SLC25A13: variants seen among roughly 807,000 people sequenced by gnomAD.
The protein encoded by SLC25A13 is solute carrier family 25 member 13.
SLC25A13 carries 70 observed loss-of-function variants against 85.5 expected under a neutral mutation model. That is an observed-to-expected ratio of 0.82 (90% CI 0.68 to 1.00). The LOEUF is 1.00. Ranked by LOEUF, SLC25A13 falls within the 50% of genes least tolerant of loss-of-function variation. The pLI is 0.00. For missense variants in SLC25A13, 765 were observed against 819.8 expected (o/e 0.93, Z 0.82); for synonymous variants, 259 against 288.7 (o/e 0.90, Z 1.04).
intron 3 of SLC25A13, among the ~76,000 whole-genome samples, chr7:96,249,241 T>C (rs1797321713): frequency 1.3e-5 from 2 of 152,270 alleles, no homozygotes; most frequent in Non-Finnish European, 2.9e-5. Flanking sequence ...AGAATACTAC[T>C]ATTCCCACCT....
At chr7:96,152,927 C>A (rs1280677409) in intron 13 of SLC25A13, among the ~76,000 whole-genome samples, 1 of 152,086 alleles carries the variant, frequency 6.6e-6, no homozygotes, top group East Asian at 1.9e-4. Context: ...GCTGTGTAGT[C>A]TACTTGCAGG....
chr7:96,131,919 C>T, intron 14 of SLC25A13, 38 bp from the exon 15 acceptor site: 1 of 1,613,300 alleles, frequency 6.2e-7, no homozygotes, highest in Non-Finnish European at 8.5e-7. Context: ...ACATGAAACA[C>T]ATATCCCATT....
intron 2 of SLC25A13, among the ~76,000 whole-genome samples, chr7:96,296,423 C>T (rs1417887665): frequency 6.6e-6 from 1 of 151,752 alleles, no homozygotes; most frequent in Non-Finnish European, 1.5e-5. Flanking sequence ...CAGTCACCTA[C>T]ATTTTAAAAA....
At chr7:96,150,407 C>G (rs1205318368) in intron 13 of SLC25A13, among the ~76,000 whole-genome samples, 1 of 151,984 alleles carries the variant, frequency 6.6e-6, no homozygotes, top group Non-Finnish European at 1.5e-5. Context: ...TATTTTCAGT[C>G]CACTCAAGAG....
Position 96,193,101 on chromosome 7 carries a change from CG to C in SLC25A13, c.550del (p.Arg184GlufsTer12). On this transcript the variant is annotated frameshift_variant, in exon 6 of 18. Coordinates refer to ENST00000265631, the MANE Select transcript of SLC25A13 (RefSeq NM_014251.3). LOFTEE classifies it high-confidence loss of function. ...GGGGCGGATGGTGACCATGATGTCTCGGAAGTCGATGGCTGTGACTCTCCCA... is the reference window on the plus strand; with the variant it reads ...GGGGCGGATGGTGACCATGATGTCTCGAAGTCGATGGCTGTGACTCTCCCA... Reference protein sequence around the residue: ...RTGRVTAIDFRDIMVTIRPHV... With the variant: ...RTGRVTAIDFXDIMVTIRPHV... 1.2e-6 allele frequency: 2 copies of C among 1,614,076 alleles called. No individual in the cohort carries two copies. Among genetic ancestry groups the C allele is most frequent in the Non-Finnish European group, 1.7e-6 (2 of 1,180,010 alleles).
At chr7:96,157,144 GTC>G (rs2116522967) in intron 13 of SLC25A13, among the ~76,000 whole-genome samples, 1 of 152,280 alleles carries the variant, frequency 6.6e-6, no homozygotes, top group Admixed American at 6.5e-5. Context: ...CTACAACCAT[GTC>G]AGCATGAAGT....
At chr7:96,176,586 C>A (rs930397554) in intron 11 of SLC25A13, among the ~76,000 whole-genome samples, 4 of 152,142 alleles carry the variant, frequency 2.6e-5, no homozygotes, top group Non-Finnish European at 5.9e-5. Flanking sequence ...ACACTATCCC[C>A]TCTGAATTCA....
At chr7:96,261,413 TAGC>T (rs1797847176) in intron 3 of SLC25A13, among the ~76,000 whole-genome samples, 1 of 152,214 alleles carries the variant, frequency 6.6e-6, no homozygotes, top group African/African-American at 2.4e-5. Context: ...CTCAGATTTG[TAGC>T]AGAAGGCCAT....
intron 1 of SLC25A13, 137 bp downstream of exon 1, chr7:96,321,805 C>G (rs1352675536): frequency 5.2e-6 from 6 of 1,163,040 alleles, no homozygotes; most frequent in Non-Finnish European, 7.0e-6. Flanking sequence ...CTCCAGCAGC[C>G]GCAAGGTGGA....
intron 2 of SLC25A13, among the ~76,000 whole-genome samples, chr7:96,282,752 T>G (rs1185574896): frequency 1.3e-5 from 2 of 152,230 alleles, no homozygotes. Flanking sequence ...TTACTTTAAA[T>G]CAGATGGTGG....
chr7:96,154,352 A>G (rs971027861), intron 13 of SLC25A13, among the ~76,000 whole-genome samples: 3 of 143,408 alleles, frequency 2.1e-5, no homozygotes, highest in Non-Finnish European at 4.5e-5. Context: ...GCTGGAGTGT[A>G]GTGACATGAT....
chr7:96,244,990 G>C (rs1267235463), intron 3 of SLC25A13, among the ~76,000 whole-genome samples: 2 of 152,056 alleles, frequency 1.3e-5, no homozygotes, highest in African/African-American at 4.8e-5. Context: ...TCGTAATTGT[G>C]AGCTTAACTC....
At chr7:96,263,041 A>AC (rs921747277) in intron 3 of SLC25A13, among the ~76,000 whole-genome samples, 7 of 151,696 alleles carry the variant, frequency 4.6e-5, no homozygotes, top group African/African-American at 7.3e-5. Context: ...AAAAAAAAAA[A>AC]AAAACAGCAG....
chr7:96,120,737 T>C lies in SLC25A13; in HGVS notation c.*454A>G, dbSNP rs1791464521. 2 of 454,094 alleles carry C rather than the reference T, an allele frequency of 4.4e-6. No homozygotes were observed. Among genetic ancestry groups the C allele is most frequent in the African/African-American group, 2.0e-5 (1 of 49,900 alleles). 28.1% of individuals were successfully genotyped at this position (454,094 alleles called of 1,614,324 possible). ...AGCCAGGCTGAATATATTTGATATA[T>C]ATTTTTTCATTTCTCCCAGTGTTTT... On this transcript the variant is annotated 3_prime_UTR_variant, in exon 18 of 18. Transcript: ENST00000265631.
intron 5 of SLC25A13, among the ~76,000 whole-genome samples, chr7:96,200,711 CT>C (rs1357641517): frequency 1.3e-5 from 2 of 152,166 alleles, no homozygotes; most frequent in African/African-American, 4.8e-5. Flanking sequence ...GCTTTTCCAT[CT>C]CAATTTCCTT....
intron 5 of SLC25A13, among the ~76,000 whole-genome samples, chr7:96,202,110 T>A (rs1301515187): frequency 6.6e-6 from 1 of 152,206 alleles, no homozygotes; most frequent in Non-Finnish European, 1.5e-5. Flanking sequence ...ATGGTCAATC[T>A]GCTTTCTTAA....
intron 1 of SLC25A13, among the ~76,000 whole-genome samples, chr7:96,314,861 C>T (rs1018650938): frequency 1.3e-5 from 2 of 152,172 alleles, no homozygotes; most frequent in Non-Finnish European, 2.9e-5. Flanking sequence ...TTTCAACTCT[C>T]CCCACACCTT....
intron 4 of SLC25A13, among the ~76,000 whole-genome samples, chr7:96,233,197 C>T (rs926966015): frequency 1.3e-5 from 2 of 152,212 alleles, no homozygotes; most frequent in East Asian, 3.8e-4. Flanking sequence ...AGACAGAACA[C>T]ACCTATGCTG....
In SLC25A13 at chr7:96,218,658, C is replaced by T. The variant is rs189388516; in HGVS notation, c.329-9681G>A. ...GTTTCTCATTAAAATAAAAAAGATT[C>T]ATCAAGCTATATTATTTCAAACACT... is the stretch of plus-strand genomic sequence containing the variant. On this transcript the variant is annotated intron_variant, in intron 4 of 17. Coordinates refer to ENST00000265631, the MANE Select transcript of SLC25A13 (RefSeq NM_014251.3). Among the ~76,000 whole-genome samples the T allele has an allele frequency of 1.2e-3, 176 of 152,278 alleles. 2 individuals are homozygous for T. The highest frequency in any genetic ancestry group is 3.4e-3 in the Middle Eastern group (1 of 294).
Sources: allele counts gnomAD v4.1 joint callset (sites outside exome capture counted in the v4.1 genomes callset), GRCh38; gene constraint gnomAD v4.1.1; transcripts MANE v1.5; gene names NCBI Gene and HGNC (gene_info 2026-07-23, HGNC 2026-07-21).